Variants in IFI35 observed in about 807,000 individuals in gnomAD.
IFI35 encodes interferon induced protein 35.
IFI35 carries 30 observed loss-of-function variants against 28.6 expected under a neutral mutation model. The ratio of observed to expected loss-of-function variants is 1.05; its 90% CI spans 0.79 to 1.43. The LOEUF (loss-of-function observed/expected upper bound fraction) is 1.43. IFI35 is among the 40% of genes most tolerant of loss of function. The pLI, the probability that IFI35 is intolerant of heterozygous loss-of-function variation, is 0.00. For synonymous variants in IFI35, 146 were observed against 154.8 expected (o/e 0.94, Z 0.42); for missense variants, 372 against 356.9 (o/e 1.04, Z -0.34).
chr17:43,014,402 A>G lies in IFI35; in HGVS notation c.*103A>G. The G allele has an allele frequency of 2.8e-6, 2 of 726,326 alleles. No individual in the cohort carries two copies. The highest frequency in any genetic ancestry group is 4.4e-6 in the Non-Finnish European group (2 of 455,212). The allele number at this position is 726,326 out of a possible 1,614,324, so 45.0% of individuals were successfully genotyped here. On this transcript the variant is annotated 3_prime_UTR_variant, in exon 7 of 7. Coordinates refer to ENST00000415816, the MANE Select transcript of IFI35 (RefSeq NM_001330230.2). ...GTCTGTATGTTCACCAACAGTGCGGAGGGGTCACACATTGCAAAACACTGC... is the reference window on the plus strand; with the variant it reads ...GTCTGTATGTTCACCAACAGTGCGGGGGGGTCACACATTGCAAAACACTGC...
intron 1 of IFI35, among the ~76,000 whole-genome samples, chr17:43,011,901 C>T (rs937582691): frequency 2.6e-5 from 4 of 152,190 alleles, no homozygotes; most frequent in Non-Finnish European, 5.9e-5. Flanking sequence ...CTAGCAGGAG[C>T]TTAATCAGTG....
At chr17:43,012,333 G>A (rs1020204901) in intron 2 of IFI35, 56 bp downstream of exon 2, 206 of 1,322,310 alleles carry the variant, frequency 1.6e-4, no homozygotes, top group East Asian at 1.5e-3. Context: ...GGCCGGGTGC[G>A]GTGGCTCACA....
At chr17:43,012,957 C>G in intron 2 of IFI35, 90 bp from the exon 3 acceptor site, 1 of 1,349,254 alleles carries the variant, frequency 7.4e-7, no homozygotes, top group Non-Finnish European at 1.0e-6. Context: ...GTATTTATCT[C>G]CGGCACTCAG....
At position 43,006,821 on chromosome 17, in the gene IFI35, C is replaced by A; in HGVS notation, c.-127C>A. The A allele has an allele frequency of 2.1e-6, 2 of 933,912 alleles. No homozygotes were observed. The highest frequency in any genetic ancestry group is 3.5e-6 in the Non-Finnish European group (2 of 566,478). The allele number at this position is 933,912 out of a possible 1,614,324, so 57.9% of individuals were successfully genotyped here. On this transcript the variant is annotated 5_prime_UTR_variant, in exon 1 of 7. Coordinates refer to ENST00000415816, the MANE Select transcript of IFI35 (RefSeq NM_001330230.2). ...GAGCAGAGCCTCCTGAGGTGTATTT[C>A]GGGTCTTGCTGGGGCTGAGAGAGAC...
Position 43,013,353 on chromosome 17 carries a change from C to A in IFI35, c.355C>A (p.Pro119Thr). 6.2e-7 allele frequency: 1 copy of A among 1,614,082 alleles called. No homozygotes were observed. The part of the protein sequence containing the change: ...LRVQVQPLEL[P>T]MVTTIQMSSQ... ...GGTGCAGGTCCAGCCCTTGGAGCTG[C>A]CCATGGTCACCACCATCCAGGTGAT... Residue 119 changes from proline (P) to threonine (T), a missense_variant, in exon 4 of 7, where the codon CCC becomes ACC. Pro to Thr is a conservative substitution (Grantham distance 38). Transcript: ENST00000415816.
chr17:43,013,986 C>T (rs1159330991), intron 6 of IFI35, 104 bp downstream of exon 6: 10 of 1,284,122 alleles, frequency 7.8e-6, no homozygotes, highest in East Asian at 2.3e-5. Flanking sequence ...ACTGACCTAC[C>T]TACCCACCAT....
rs1004620662 is a variant in IFI35 at position 43,006,875 on chromosome 17, G to C, written c.-73G>C. 11 of 1,545,224 alleles carry C rather than the reference G, an allele frequency of 7.1e-6. No homozygotes were observed. Among genetic ancestry groups the C allele is most frequent in the Non-Finnish European group, 9.8e-6 (11 of 1,117,362 alleles). ...AGCCCTTTGGGGGGTACAAACAAGA[G>C]TTCAGTTGCTGTGAATTCTGCCACT... On this transcript the variant is annotated 5_prime_UTR_variant, in exon 1 of 7. Transcript: ENST00000415816.
chr17:43,007,026 G>A (rs1292611900), intron 1 of IFI35, 58 bp downstream of exon 1: 2 of 1,572,090 alleles, frequency 1.3e-6, no homozygotes, highest in Non-Finnish European at 1.8e-6. Flanking sequence ...TCTTGGCTAG[G>A]AACCTGCAGA....
chr17:43,014,355 G>A lies in IFI35; in HGVS notation c.*56G>A, dbSNP rs2050502675. 3.0e-6 allele frequency: 4 copies of A among 1,345,736 alleles called. No individual in the cohort carries two copies. The East Asian group carries it at 9.7e-5, about 33-fold the overall frequency. The allele number at this position is 1,345,736 out of a possible 1,614,324, so 83.4% of individuals were successfully genotyped here. On this transcript the variant is annotated 3_prime_UTR_variant, in exon 7 of 7. Coordinates refer to ENST00000415816, the MANE Select transcript of IFI35 (RefSeq NM_001330230.2). ...CCGCCAAGGTTCTCACACTGGCCTGGGCTTGGGTGCCCATATAGGAGGTCT... is the reference window on the plus strand; with the variant it reads ...CCGCCAAGGTTCTCACACTGGCCTGAGCTTGGGTGCCCATATAGGAGGTCT...
rs1487426927 is a variant in IFI35, at chr17:43,013,646, G to T, written c.546G>T (p.Gly182=). ...TACTGCCAGGGAGTGTCATGCTGGG[G>T]TTTGCTAGGGATGGAGGTGAGGGCT... ...RELLPGSVML[G]FARDGVAQRL... The change falls in exon 5 of 7, where the codon GGG becomes GGT. Residue 182 remains glycine (G), a synonymous_variant. Transcript: ENST00000415816. 1 of 1,614,082 alleles carries T rather than the reference G, an allele frequency of 6.2e-7. No individual in the cohort carries two copies. Among genetic ancestry groups the T allele is most frequent in the Middle Eastern group, 1.6e-4 (1 of 6,062 alleles).
rs200318889 is a variant in IFI35, at chr17:43,006,987, G to C, written c.21+19G>C. ...GGATGCCGTAAGTGAGGAGGAGGGA[G>C]TTGGGAAGTGGGGAAACAGGAGTAA... On this transcript the variant is annotated intron_variant, in intron 1 of 6. Coordinates refer to ENST00000415816, the MANE Select transcript of IFI35 (RefSeq NM_001330230.2). The C allele has an allele frequency of 8.1e-5, 130 of 1,613,636 alleles. No homozygotes were observed. In the African/African-American group the frequency reaches 1.7e-3, roughly 21 times the overall value.
chr17:43,007,833 C>T (rs1206887343), intron 1 of IFI35, among the ~76,000 whole-genome samples: 1 of 87,466 alleles, frequency 1.1e-5, no homozygotes, highest in East Asian at 3.1e-4. Context: ...CTCACACACA[C>T]ACACACACAA....
rs747665468 is a variant in IFI35 at position 43,014,142 on chromosome 17, T to C, written c.704T>C (p.Val235Ala). ...RSQPVPRSVLVLNIPDILDGP... is the reference protein window; with the variant it reads ...RSQPVPRSVLALNIPDILDGP... ...CAGCCAGTTCCCCGCTCGGTACTGG[T>C]GCTCAACATTCCTGATATCTTGGAT... The change falls in exon 7 of 7, where the codon GTG becomes GCG. Residue 235 changes from valine (V) to alanine (A), a missense_variant. By Grantham distance (64) the Val-to-Ala change is moderately conservative. Coordinates refer to ENST00000415816, the MANE Select transcript of IFI35 (RefSeq NM_001330230.2). 2.5e-6 allele frequency: 4 copies of C among 1,614,096 alleles called. No individual in the cohort carries two copies. In the East Asian group the frequency reaches 6.7e-5, roughly 27 times the overall value.
At chr17:43,010,080 A>G (rs2050444212) in intron 1 of IFI35, among the ~76,000 whole-genome samples, 1 of 151,048 alleles carries the variant, frequency 6.6e-6, no homozygotes. Context: ...CTAAAAATAC[A>G]AAAAAATTAG....
At chr17:43,007,847 T>TTATATATATATATATATCTATATATATA (rs2050422053) in intron 1 of IFI35, among the ~76,000 whole-genome samples, 1 of 119,062 alleles carries the variant, frequency 8.4e-6, no homozygotes, top group African/African-American at 3.9e-5. Flanking sequence ...CACACAAAAT[T>TTATATATATATATATATCTATATATATA]TATATATATA....
chr17:43,013,992 A>G (rs1273607060), intron 6 of IFI35, 110 bp downstream of exon 6: 3 of 1,282,918 alleles, frequency 2.3e-6, no homozygotes, highest in Non-Finnish European at 3.3e-6. Context: ...CTACCTACCC[A>G]CCATCAGCCT....
intron 5 of IFI35, 34 bp downstream of exon 5, chr17:43,013,696 G>A (rs1228402388): frequency 1.9e-6 from 3 of 1,611,738 alleles, no homozygotes; most frequent in Non-Finnish European, 1.7e-6. Context: ...CAGGGGAGAG[G>A]GTATAGGGTG....
chr17:43,014,057 C>G (rs1162414228), intron 6 of IFI35, 51 bp from the exon 7 acceptor site: 1 of 1,567,440 alleles, frequency 6.4e-7, no homozygotes, highest in Non-Finnish European at 8.7e-7. Flanking sequence ...CTACCCCCAG[C>G]CCCCAGCCCT....
chr17:43,013,916 T>C, intron 6 of IFI35, 34 bp downstream of exon 6: 2 of 1,473,936 alleles, frequency 1.4e-6, no homozygotes, highest in Non-Finnish European at 1.9e-6. Flanking sequence ...GGGGCTGGGC[T>C]GGGTAACCTG....
Sources: allele counts gnomAD v4.1 joint callset (sites outside exome capture counted in the v4.1 genomes callset), GRCh38; gene constraint gnomAD v4.1.1; transcripts MANE v1.5; gene names NCBI Gene and HGNC (gene_info 2026-07-23, HGNC 2026-07-21).